TFEC: variants seen among roughly 807,000 people sequenced by gnomAD.
TFEC encodes transcription factor EC, also known as class E basic helix-loop-helix protein 34.
A neutral mutation model predicts 41.6 loss-of-function variants in TFEC; 31 were observed. The ratio of observed to expected loss-of-function variants is 0.74; its 90% confidence interval spans 0.56 to 1.01. The LOEUF (loss-of-function observed/expected upper bound fraction) is 1.01, where lower values mean the gene tolerates loss of function less well. Ranked by LOEUF, TFEC falls within the 50% of genes least tolerant of loss-of-function variation. The probability of loss-of-function intolerance (pLI) is 0.00; values close to 1 mark genes in which losing one functional copy is unlikely to be tolerated. For missense variants in TFEC, 402 were observed against 404.1 expected (o/e 0.99, Z 0.04); for synonymous variants, 143 against 140.6 (o/e 1.02, Z -0.12).
At chr7:116,106,432 G>C (rs920546434) in intron 3 of TFEC, among the ~76,000 whole-genome samples, 23 of 152,100 alleles carry the variant, frequency 1.5e-4, no homozygotes, top group Non-Finnish European at 2.6e-4. Flanking sequence ...ACCCAAGCTG[G>C]AGTGCAGTGG....
chr7:116,019,899 G>A (rs990271412), intron 1 of TFEC, among the ~76,000 whole-genome samples: 1 of 152,096 alleles, frequency 6.6e-6, no homozygotes, highest in Non-Finnish European at 1.5e-5. Flanking sequence ...TCAATAACTT[G>A]CTTAATCTAA....
intron 3 of TFEC, among the ~76,000 whole-genome samples, chr7:116,047,704 C>T (rs751065671): frequency 2.6e-5 from 4 of 152,222 alleles, no homozygotes; most frequent in Non-Finnish European, 4.4e-5. Context: ...ACTGCCTCCT[C>T]AAGTGGGTCC....
At chr7:116,119,667 T>A (rs1190050055) in intron 1 of TFEC, among the ~76,000 whole-genome samples, 2 of 151,788 alleles carry the variant, frequency 1.3e-5, no homozygotes, top group African/African-American at 4.8e-5. Flanking sequence ...TGAGGACTAT[T>A]CACCGATAAT....
At chr7:116,080,166 T>TA (rs951898447) in intron 3 of TFEC, among the ~76,000 whole-genome samples, 150 of 152,184 alleles carry the variant, frequency 9.9e-4, no homozygotes, top group African/African-American at 3.5e-3. Context: ...TCTCACATTA[T>TA]AAAAAAATTA....
At chr7:116,154,863 TTC>T (rs745913836) in intron 1 of TFEC, among the ~76,000 whole-genome samples, 1 of 152,180 alleles carries the variant, frequency 6.6e-6, no homozygotes, top group Non-Finnish European at 1.5e-5. Flanking sequence ...TGGATATTAA[TTC>T]TCTCTTTGTT....
intron 2 of TFEC, among the ~76,000 whole-genome samples, chr7:115,976,648 G>T (rs1406680264): frequency 6.6e-6 from 1 of 152,086 alleles, no homozygotes; most frequent in African/African-American, 2.4e-5. Flanking sequence ...ATTATTGATT[G>T]TTATTAAACT....
At chr7:116,092,683 T>C (rs375755457) in intron 3 of TFEC, among the ~76,000 whole-genome samples, 1 of 152,180 alleles carries the variant, frequency 6.6e-6, no homozygotes, top group African/African-American at 2.4e-5. Context: ...ACCACATTAA[T>C]ACATTTAATT....
upstream of TFEC, among the ~76,000 whole-genome samples, chr7:116,033,874 AAAG>A (rs1322055903): frequency 6.6e-6 from 1 of 152,122 alleles, no homozygotes; most frequent in African/African-American, 2.4e-5. Flanking sequence ...GAAAAACTCA[AAAG>A]AGCTATCAAT....
intron 1 of TFEC, among the ~76,000 whole-genome samples, chr7:116,124,341 G>A (rs1798169329): frequency 6.6e-6 from 1 of 152,058 alleles, no homozygotes; most frequent in African/African-American, 2.4e-5. Context: ...TCTAAGGTAG[G>A]ACAAAGTTTT....
At chr7:115,958,461 G>A (rs1213064011) in intron 3 of TFEC, among the ~76,000 whole-genome samples, 1 of 151,836 alleles carries the variant, frequency 6.6e-6, no homozygotes. Context: ...AAAAGGGAGT[G>A]AGGGGGACAG....
At chr7:116,014,872 C>T (rs1245893464) in intron 1 of TFEC, among the ~76,000 whole-genome samples, 1 of 151,986 alleles carries the variant, frequency 6.6e-6, no homozygotes, top group East Asian at 1.9e-4. Flanking sequence ...TGTGGGCAGC[C>T]TCTAGATGCT....
rs571413342 is a variant in TFEC at position 116,138,872 on chromosome 7, G to A, written c.-69+20918C>T. On this transcript the variant is annotated intron_variant, in intron 1 of 8. Coordinates refer to the TFEC transcript ENST00000484212. ...AAAGGCTTGAGCGGTCACCCAACGT[G>A]TCCCCTCCTAACTCACACAAAAACC... Among the ~76,000 whole-genome samples, 6 of 152,268 alleles carry A rather than the reference G, an allele frequency of 3.9e-5. No homozygotes were observed. The South Asian group carries it at 1.2e-3, about 32-fold the overall frequency.
intron 1 of TFEC, among the ~76,000 whole-genome samples, chr7:116,159,391 T>C (rs1798930858): frequency 6.6e-6 from 1 of 151,996 alleles, no homozygotes; most frequent in Non-Finnish European, 1.5e-5. Flanking sequence ...AATAATTATA[T>C]TTTCAACCAA....
At chr7:115,971,610 C>A (rs935921851) in intron 3 of TFEC, among the ~76,000 whole-genome samples, 1 of 151,972 alleles carries the variant, frequency 6.6e-6, no homozygotes, top group Non-Finnish European at 1.5e-5. Context: ...GTCTCAGTAT[C>A]CTGCTCAACT....
intron 1 of TFEC, among the ~76,000 whole-genome samples, chr7:116,146,934 T>G (rs1798652789): frequency 6.6e-6 from 1 of 152,118 alleles, no homozygotes; most frequent in Non-Finnish European, 1.5e-5. Context: ...AAATAAAATT[T>G]TTTGAAGTGA....
At chr7:116,088,206 A>T (rs1797243629) in intron 3 of TFEC, among the ~76,000 whole-genome samples, 1 of 152,034 alleles carries the variant, frequency 6.6e-6, no homozygotes, top group Non-Finnish European at 1.5e-5. Context: ...TAACCTTCTC[A>T]AAGAGTGGAT....
At chr7:116,099,753 T>C (rs1445129751) in intron 3 of TFEC, among the ~76,000 whole-genome samples, 1 of 152,180 alleles carries the variant, frequency 6.6e-6, no homozygotes, top group Non-Finnish European at 1.5e-5. Flanking sequence ...AGAAGTAACA[T>C]AGTTGTTTTA....
intron 3 of TFEC, among the ~76,000 whole-genome samples, chr7:115,964,874 T>C (rs1792763714): frequency 6.6e-6 from 1 of 151,592 alleles, no homozygotes; most frequent in African/African-American, 2.4e-5. Flanking sequence ...TTACAAAATG[T>C]CACACACAGC....
chr7:115,995,928 G>A (rs1319476877), intron 1 of TFEC, among the ~76,000 whole-genome samples: 2 of 152,210 alleles, frequency 1.3e-5, no homozygotes, highest in Non-Finnish European at 2.9e-5. Flanking sequence ...CCAGTGGTCA[G>A]AAGTTTAGTT....
Sources: gnomAD v4.1 joint callset for allele counts (sites outside exome capture counted in the v4.1 genomes callset) on GRCh38, gnomAD v4.1.1 for gene constraint, MANE v1.5 for transcripts, NCBI Gene and HGNC (gene_info 2026-07-23, HGNC 2026-07-21) for gene names.